The following SHOC1 variants were observed in gnomAD, a reference collection of about 807,000 sequenced individuals.
The protein encoded by SHOC1 is shortage in chiasmata 1.
Under a neutral mutation model 179.2 loss-of-function variants are expected in SHOC1, and 136 were observed. The observed-to-expected ratio is 0.76, with a 90% confidence interval of 0.66 to 0.87. The LOEUF (loss-of-function observed/expected upper bound fraction) is 0.87. SHOC1 is among the 40% of genes least tolerant of loss of function. SHOC1 has a pLI of 0.00. For missense variants in SHOC1, 1,538 were observed against 1,700.8 expected, an observed-to-expected ratio of 0.90 and a Z score of 1.68; for synonymous variants, 489 against 586.6, an observed-to-expected ratio of 0.83 and a Z score of 2.41.
chr9:111,794,669 A>G (rs565225010), intron 1 of SHOC1, among the ~76,000 whole-genome samples: 3 of 152,248 alleles, frequency 2.0e-5, no homozygotes, highest in South Asian at 2.1e-4. Context: ...CTTCTAGTTG[A>G]TGGGCTGAAA....
chr9:111,758,921 T>G, intron 5 of SHOC1, 73 bp from the exon 6 acceptor site: 1 of 964,368 alleles, frequency 1.0e-6, no homozygotes, highest in Non-Finnish European at 1.5e-6. Flanking sequence ...AGATAGTTAA[T>G]GTAATCAGTC....
At chr9:111,754,751 A>G (rs1310405580) in intron 8 of SHOC1, among the ~76,000 whole-genome samples, 1 of 152,244 alleles carries the variant, frequency 6.6e-6, no homozygotes, top group Non-Finnish European at 1.5e-5. Flanking sequence ...ATAGCCATAC[A>G]ATGGAATATT....
intron 22 of SHOC1, 56 bp from the exon 23 acceptor site, chr9:111,702,282 ATTATG>A (rs1244082000): frequency 8.9e-7 from 1 of 1,127,602 alleles, no homozygotes; most frequent in Non-Finnish European, 1.3e-6. Flanking sequence ...TTATTATGAA[ATTATG>A]TTATCATTAT....
intron 21 of SHOC1, among the ~76,000 whole-genome samples, chr9:111,704,446 T>C (rs1832153061): frequency 6.6e-6 from 1 of 152,164 alleles, no homozygotes; most frequent in African/African-American, 2.4e-5. Flanking sequence ...GCAGTGGTGC[T>C]ATCATGGCTC....
intron 7 of SHOC1, among the ~76,000 whole-genome samples, chr9:111,757,105 T>C (rs1027642062): frequency 2.6e-5 from 4 of 152,156 alleles, no homozygotes; most frequent in Non-Finnish European, 4.4e-5. Flanking sequence ...CCTAAAAAAA[T>C]GTTTTTTGTG....
chr9:111,789,623 G>A (rs927450334), intron 2 of SHOC1, among the ~76,000 whole-genome samples: 4 of 151,906 alleles, frequency 2.6e-5, no homozygotes, highest in African/African-American at 7.3e-5. Context: ...TTATTTGAGC[G>A]GTTCCTCAAC....
rs755573833 is a variant in SHOC1, at chr9:111,705,299, C to CA, written c.2802dup (p.Ala935CysfsTer3). 2.5e-6 allele frequency: 4 copies of CA among 1,588,646 alleles called. No individual in the cohort carries two copies. Among genetic ancestry groups the CA allele is most frequent in the Admixed American group, 1.8e-5 (1 of 56,832 alleles). On this transcript the variant is annotated frameshift_variant, in exon 21 of 28. Transcript: ENST00000682961. LOFTEE classifies it high-confidence loss of function. ...GGAGTATTAAGAAGTCCTTCAGATG[C>CA]AAAAAACACATATGGAATCTGAATT...
In SHOC1 at chr9:111,789,433, C is replaced by T. The variant is rs1836375763; in HGVS notation, c.45+1941G>A. Among the ~76,000 whole-genome samples, 3 of 152,080 alleles carry T rather than the reference C, an allele frequency of 2.0e-5. 1 individual carries two copies. The highest frequency in any genetic ancestry group is 2.4e-5 in the African/African-American group (1 of 41,414). ...ATATGCATGATACTACTCATTGCTT[C>T]ACCTTTGATCATGAAAAAGATATTT... On this transcript the variant is annotated intron_variant, in intron 2 of 27. Coordinates refer to ENST00000682961, the MANE Select transcript of SHOC1 (RefSeq NM_001378211.1).
chr9:111,711,157 G>T (rs1230698145), intron 18 of SHOC1, among the ~76,000 whole-genome samples: 1 of 152,124 alleles, frequency 6.6e-6, no homozygotes, highest in African/African-American at 2.4e-5. Flanking sequence ...AGAGAAAAGA[G>T]GAAAGGATAA....
Position 111,748,202 on chromosome 9 carries a change from G to A in SHOC1, c.863-3C>T, listed in dbSNP as rs79218649. 2.7e-3 allele frequency: 4,307 copies of A among 1,588,908 alleles called. 64 individuals are homozygous for A. The African/African-American group carries it at 0.04, about 15-fold the overall frequency. On this transcript the variant is annotated splice_polypyrimidine_tract_variant and splice_region_variant and intron_variant, in intron 8 of 27. Transcript: ENST00000682961. ...AATTCCATGCTTGTTAGTAAGATCT[G>A]AAAAGGAAGAAACTCTGTTATTAGC... is the stretch of plus-strand genomic sequence containing the variant.
At chr9:111,738,051 T>C (rs568619438) in intron 12 of SHOC1, 42 of 433,092 alleles carry the variant, frequency 9.7e-5, no homozygotes, top group East Asian at 6.0e-4. Flanking sequence ...ACTGAGACTA[T>C]AGAATTTTAG....
chr9:111,762,561 T>C (rs1389918278), intron 5 of SHOC1, among the ~76,000 whole-genome samples: 1 of 152,138 alleles, frequency 6.6e-6, no homozygotes, highest in African/African-American at 2.4e-5. Context: ...AGTAAAACAA[T>C]TTATCTTTGA....
At position 111,769,990 on chromosome 9, in the gene SHOC1, T is replaced by G. The variant is rs1186521291; in HGVS notation, c.442+5801A>C. Among the ~76,000 whole-genome samples, 44 of 116,406 alleles carry G rather than the reference T, an allele frequency of 3.8e-4. No homozygotes were observed. In the East Asian group the frequency reaches 8.1e-3, roughly 21 times the overall value. 76.4% of individuals were successfully genotyped at this position (116,406 alleles called of 152,430 possible). ...TTTATCTTCTGTTTTTTTTTTGTTT[T>G]TTTTTTTTTTTTTTTTTTAGTCTTA... On this transcript the variant is annotated intron_variant, in intron 5 of 27. Transcript: ENST00000682961.
chr9:111,708,210 T>A (rs909984406), intron 18 of SHOC1, among the ~76,000 whole-genome samples: 6 of 149,244 alleles, frequency 4.0e-5, no homozygotes, highest in Admixed American at 1.3e-4. Flanking sequence ...TTTTTATTTT[T>A]TATTTTTTTT....
In SHOC1 at chr9:111,694,116, CA is replaced by C. The variant is rs1564103379; in HGVS notation, c.3315+114del. 1.5e-3 allele frequency: 1,783 copies of C among 1,166,522 alleles called. 31 individuals are homozygous for C. In the African/African-American group the frequency reaches 0.026, roughly 17 times the overall value. The allele number at this position is 1,166,522 out of a possible 1,614,324, so 72.3% of individuals were successfully genotyped here. A position where few individuals can be genotyped will look rare whatever the true frequency, so the allele number is the denominator to read the frequency against. On this transcript the variant is annotated intron_variant, in intron 25 of 27. Transcript: ENST00000682961. ...CAGCAGATTAAAACTTTTGTTATTG[CA>C]CCTACCACTCAATTTGAGACATTTG... is the stretch of plus-strand genomic sequence containing the variant.
rs557623379 is a variant in SHOC1, at chr9:111,771,632, G to C, written c.442+4159C>G. ...GGGGTGGATTCTCTGAACTTTAGTTGTTTGGGAAAGACTATTTCTCCTTCA... is the reference window on the plus strand; with the variant it reads ...GGGGTGGATTCTCTGAACTTTAGTTCTTTGGGAAAGACTATTTCTCCTTCA... On this transcript the variant is annotated intron_variant, in intron 5 of 27. Coordinates refer to ENST00000682961, the MANE Select transcript of SHOC1 (RefSeq NM_001378211.1). Among the ~76,000 whole-genome samples, 1,048 of 152,104 alleles carry C rather than the reference G, an allele frequency of 6.9e-3. 10 individuals carry two copies. Among genetic ancestry groups the C allele is most frequent in the Non-Finnish European group, 0.01 (682 of 67,958 alleles).
chr9:111,728,095 C>T (rs762267590), intron 12 of SHOC1, 46 bp from the exon 13 acceptor site: 36 of 1,321,064 alleles, frequency 2.7e-5, no homozygotes, highest in Admixed American at 4.9e-5. Context: ...CACACCTAAA[C>T]GAGTGTTCTA....
Position 111,772,989 on chromosome 9 carries a change from G to A in SHOC1, c.442+2802C>T, listed in dbSNP as rs554046913. On this transcript the variant is annotated intron_variant, in intron 5 of 27. Coordinates refer to ENST00000682961, the MANE Select transcript of SHOC1 (RefSeq NM_001378211.1). ...CATGAGTTTGGGGAAGATTTTCCAT[G>A]TGGTTGTTGTCAGGCAGAATGGGCA... 3.9e-5 allele frequency among the ~76,000 whole-genome samples: 6 copies of A among 152,246 alleles called. No homozygotes were observed. The East Asian group carries it at 5.8e-4, about 15-fold the overall frequency.
At chr9:111,701,160 C>T (rs1210406097) in intron 23 of SHOC1, among the ~76,000 whole-genome samples, 1 of 152,178 alleles carries the variant, frequency 6.6e-6, no homozygotes, top group Non-Finnish European at 1.5e-5. Flanking sequence ...TCAGGGACCC[C>T]TGACACTCTT....
Sources: gnomAD v4.1 joint callset for allele counts (sites outside exome capture counted in the v4.1 genomes callset) on GRCh38, gnomAD v4.1.1 for gene constraint, MANE v1.5 for transcripts, NCBI Gene and HGNC (gene_info 2026-07-23, HGNC 2026-07-21) for gene names.